The following ATP9A variants were observed in gnomAD, a reference collection of about 807,000 sequenced individuals.
ATP9A encodes ATPase phospholipid transporting 9A.
Under a neutral mutation model 144.1 loss-of-function variants are expected in ATP9A, and 52 were observed. That is an observed-to-expected ratio of 0.36 (90% CI 0.29 to 0.45). ATP9A has a LOEUF of 0.45. Ranked by LOEUF, ATP9A falls within the 20% of genes least tolerant of loss-of-function variation. The probability of loss-of-function intolerance (pLI) is 1.00; values close to 1 mark genes in which losing one functional copy is unlikely to be tolerated. For missense variants in ATP9A, 947 were observed against 1,392.7 expected (o/e 0.68, Z 5.09); for synonymous variants, 582 against 557.4 (o/e 1.04, Z -0.62).
intron 1 of ATP9A, among the ~76,000 whole-genome samples, chr20:51,763,252 T>C (rs1287836693): frequency 1.3e-5 from 2 of 150,640 alleles, no homozygotes; most frequent in African/African-American, 4.9e-5. Flanking sequence ...TCAAAACCCA[T>C]GCCGGAGTGA....
At chr20:51,603,862 C>T (rs1485850817) in intron 27 of ATP9A, among the ~76,000 whole-genome samples, 2 of 152,158 alleles carry the variant, frequency 1.3e-5, no homozygotes, top group Non-Finnish European at 2.9e-5. Flanking sequence ...CTCACTGCAA[C>T]CTTCGCCTCC....
chr20:51,729,250 C>T (rs1475690550), intron 2 of ATP9A, among the ~76,000 whole-genome samples: 1 of 152,096 alleles, frequency 6.6e-6, no homozygotes, highest in Non-Finnish European at 1.5e-5. Flanking sequence ...CATTCTTAGG[C>T]TTAGCACACC....
At position 51,613,845 on chromosome 20, in the gene ATP9A, A is replaced by G. The variant is rs753780076; in HGVS notation, c.2416-13T>C. ...CCTGTTTTCCTTCCTAAAATCCAAT[A>G]AAATTAGGCACCATCAGAAGCACAA... is the stretch of plus-strand genomic sequence containing the variant. On this transcript the variant is annotated splice_polypyrimidine_tract_variant and intron_variant, in intron 22 of 27. Coordinates refer to ENST00000338821, the MANE Select transcript of ATP9A (RefSeq NM_006045.3). 5.5e-5 allele frequency: 89 copies of G among 1,604,984 alleles called. No individual in the cohort carries two copies. Among genetic ancestry groups the G allele is most frequent in the Non-Finnish European group, 7.1e-5 (83 of 1,176,400 alleles).
At chr20:51,623,612 C>T (rs1387908061) in intron 18 of ATP9A, among the ~76,000 whole-genome samples, 1 of 152,018 alleles carries the variant, frequency 6.6e-6, no homozygotes, top group East Asian at 1.9e-4. Context: ...GAAAACCCAT[C>T]TCTACTAAAT....
intron 14 of ATP9A, among the ~76,000 whole-genome samples, chr20:51,646,205 T>C (rs2122756414): frequency 6.6e-6 from 1 of 152,340 alleles, no homozygotes; most frequent in East Asian, 1.9e-4. Context: ...TCATCATTTC[T>C]TGGCCAGCAA....
At chr20:51,617,834 C>T (rs183517338) in intron 21 of ATP9A, among the ~76,000 whole-genome samples, 33 of 152,326 alleles carry the variant, frequency 2.2e-4, no homozygotes, top group Middle Eastern at 3.4e-3. Context: ...CTGTCCTCCT[C>T]GGAGGCCGGG....
chr20:51,725,641 C>T (rs577616873), intron 3 of ATP9A, among the ~76,000 whole-genome samples, 178 bp downstream of exon 3: 4 of 152,268 alleles, frequency 2.6e-5, no homozygotes, highest in East Asian at 1.9e-4. Flanking sequence ...TTGATCCAGG[C>T]GGTATATGAA....
chr20:51,701,926 C>T lies in ATP9A; in HGVS notation c.437-4444G>A, dbSNP rs1242297090. On this transcript the variant is annotated intron_variant, in intron 4 of 27. Transcript: ENST00000338821. ...TCCCAATCCTAGCACTTTGGGAGGC[C>T]GAGGCGGGTGGATTGCTTGAGCCCA... Among the ~76,000 whole-genome samples, 8 of 152,100 alleles carry T rather than the reference C, an allele frequency of 5.3e-5. No homozygotes were observed. The South Asian group carries it at 8.3e-4, about 16-fold the overall frequency.
intron 1 of ATP9A, among the ~76,000 whole-genome samples, chr20:51,732,811 G>C (rs1201817619): frequency 1.3e-5 from 2 of 152,000 alleles, no homozygotes; most frequent in Non-Finnish European, 2.9e-5. Flanking sequence ...AAGAGGGAGG[G>C]GGAGAGGAAA....
At position 51,642,726 on chromosome 20, in the gene ATP9A, C is replaced by CAAAAAAAAAAAAAAAAAAAAA. The variant is rs778440862; in HGVS notation, c.1507-3243_1507-3223dup. 3.9e-4 allele frequency among the ~76,000 whole-genome samples: 12 copies of CAAAAAAAAAAAAAAAAAAAAA among 31,140 alleles called. 1 individual carries two copies. Among genetic ancestry groups the CAAAAAAAAAAAAAAAAAAAAA allele is most frequent in the Non-Finnish European group, 7.4e-4 (10 of 13,452 alleles). The allele number at this position is 31,140 out of a possible 152,430, so 20.4% of individuals were successfully genotyped here. ...GGGTGACTGAGTGAGACTCTGTCTCCAAAAAAAAAAAAAAAAAAAAAAAAA... is the reference window on the plus strand; with the variant it reads ...GGGTGACTGAGTGAGACTCTGTCTCCAAAAAAAAAAAAAAAAAAAAAAAAAAAAAAAAAAAAAAAAAAAAAA... On this transcript the variant is annotated intron_variant, in intron 14 of 27. Transcript: ENST00000338821.
intron 19 of ATP9A, among the ~76,000 whole-genome samples, chr20:51,621,446 T>G (rs2077226625): frequency 6.6e-6 from 1 of 152,088 alleles, no homozygotes; most frequent in Non-Finnish European, 1.5e-5. Context: ...TCAGTGGGAT[T>G]ACTATATCCT....
At chr20:51,679,309 G>A (rs570049403) in intron 9 of ATP9A, among the ~76,000 whole-genome samples, 2 of 152,218 alleles carry the variant, frequency 1.3e-5, no homozygotes, top group Non-Finnish European at 2.9e-5. Context: ...GGGTGACGGA[G>A]TGACACTCTG....
chr20:51,617,612 G>T (rs13044000), intron 21 of ATP9A, 58 bp from the exon 22 acceptor site: 255,588 of 1,570,032 alleles, frequency 0.16, 22,430 homozygotes, highest in African/African-American at 0.31. Context: ...AACCAAGAAT[G>T]TATGCTTGTC....
chr20:51,702,766 C>T (rs2077599440), intron 4 of ATP9A, among the ~76,000 whole-genome samples: 2 of 152,160 alleles, frequency 1.3e-5, no homozygotes, highest in South Asian at 4.2e-4. Flanking sequence ...CTTCTACGAA[C>T]ATTGTTGCAA....
At chr20:51,671,339 A>C (rs1233318792) in intron 11 of ATP9A, 82 bp from the exon 12 acceptor site, 1 of 1,499,288 alleles carries the variant, frequency 6.7e-7, no homozygotes, top group East Asian at 2.3e-5. Context: ...GACTCTAAAC[A>C]CATGTGCCAT....
chr20:51,760,130 A>G (rs1395845529), intron 1 of ATP9A, among the ~76,000 whole-genome samples: 1 of 152,208 alleles, frequency 6.6e-6, no homozygotes, highest in Non-Finnish European at 1.5e-5. Flanking sequence ...GTGCAGAAGA[A>G]CTAGTATCTC....
At chr20:51,737,552 C>T (rs6123075) in intron 1 of ATP9A, among the ~76,000 whole-genome samples, 81,133 of 152,032 alleles carry the variant, frequency 0.53, 22,283 homozygotes, top group East Asian at 0.78. Flanking sequence ...GACTAAGAAG[C>T]GTATTCACAG....
At chr20:51,683,517 T>C (rs1170851756) in intron 9 of ATP9A, among the ~76,000 whole-genome samples, 5 of 151,992 alleles carry the variant, frequency 3.3e-5, no homozygotes, top group African/African-American at 1.2e-4. Context: ...CTCCTGACAT[T>C]GTGATCCACC....
rs1414966843 is a variant in ATP9A, at chr20:51,629,061, A to C, written c.1680T>G (p.Thr560=). 2 of 1,613,606 alleles carry C rather than the reference A, an allele frequency of 1.2e-6. No homozygotes were observed. The highest frequency in any genetic ancestry group is 2.7e-5 in the African/African-American group (2 of 74,926). The part of the protein sequence containing the change: ...RMGIIVRDES[T]GEITFYMKGA... ...CCTTCATGTAAAACGTAATTTCTCC[A>C]GTTGATTCATCCTAGAGAGGGAGGC... Residue 560 remains threonine, a synonymous_variant, in exon 16 of 28, where the codon ACT becomes ACG. Coordinates refer to ENST00000338821, the MANE Select transcript of ATP9A (RefSeq NM_006045.3).
Sources: allele counts gnomAD v4.1 joint callset (sites outside exome capture counted in the v4.1 genomes callset), GRCh38; gene constraint gnomAD v4.1.1; transcripts MANE v1.5; gene names NCBI Gene and HGNC (gene_info 2026-07-23, HGNC 2026-07-21).